DMD: variants seen among roughly 807,000 people sequenced by gnomAD.
The protein encoded by DMD is dystrophin.
DMD carries 63 observed loss-of-function variants against 330.1 expected under a neutral mutation model. That is an observed-to-expected ratio of 0.19 (90% CI 0.16 to 0.24). The LOEUF is 0.24. Ranked by LOEUF, DMD falls within the 10% of genes least tolerant of loss-of-function variation. The pLI is 1.00. For missense variants in DMD, 3,344 were observed against 2,684.1 expected (o/e 1.25, Z -5.43); for synonymous variants, 1,223 against 959.8 (o/e 1.27, Z -5.07).
intron 52 of DMD, among the ~76,000 whole-genome samples, chrX:31,689,830 T>C (rs2082983410): frequency 9.0e-6 from 1 of 111,400 alleles, no homozygotes; most frequent in African/African-American, 3.3e-5. Flanking sequence ...TCTACAACCA[T>C]CTGATCTTTG....
intron 47 of DMD, among the ~76,000 whole-genome samples, chrX:31,892,599 T>C (rs962779222): frequency 8.9e-6 from 1 of 111,989 alleles, no homozygotes; most frequent in African/African-American, 3.3e-5. Flanking sequence ...TACACAAACC[T>C]AGGTGGTACA....
intron 55 of DMD, among the ~76,000 whole-genome samples, chrX:31,543,037 G>A (rs1372687864): frequency 8.9e-6 from 1 of 112,507 alleles, no homozygotes. Context: ...ACGCCTCCGT[G>A]TGCAGTCCTC....
At chrX:32,752,781 C>T (rs779996849) in intron 7 of DMD, among the ~76,000 whole-genome samples, 1 of 109,253 alleles carries the variant, frequency 9.2e-6, no homozygotes, top group African/African-American at 3.3e-5. Flanking sequence ...ACAGGTCTTT[C>T]CCATGCTGTT....
At chrX:32,554,046 G>A (rs1001195038) in intron 16 of DMD, among the ~76,000 whole-genome samples, 1 of 112,283 alleles carries the variant, frequency 8.9e-6, no homozygotes, top group African/African-American at 3.2e-5. Flanking sequence ...AGAGCTTCTG[G>A]GAGGAAGACC....
At chrX:31,883,459 T>C (rs1449345758) in intron 47 of DMD, among the ~76,000 whole-genome samples, 1 of 111,476 alleles carries the variant, frequency 9.0e-6, no homozygotes, top group Non-Finnish European at 1.9e-5. Context: ...TTGTGTACTT[T>C]TCTATGTGTC....
intron 2 of DMD, among the ~76,000 whole-genome samples, chrX:32,953,049 C>A: frequency 9.4e-6 from 1 of 106,087 alleles, no homozygotes; most frequent in East Asian, 3.0e-4. Flanking sequence ...GCAGGAGAAT[C>A]ACTTGAACCC....
chrX:31,660,193 T>C (rs1039685639), intron 53 of DMD, among the ~76,000 whole-genome samples: 1 of 112,344 alleles, frequency 8.9e-6, no homozygotes, highest in Non-Finnish European at 1.9e-5. Context: ...GCACAGAGCA[T>C]AGTTGCTGCT....
intron 7 of DMD, among the ~76,000 whole-genome samples, chrX:32,738,702 G>A (rs2068846700): frequency 8.9e-6 from 1 of 111,802 alleles, no homozygotes; most frequent in Non-Finnish European, 1.9e-5. Flanking sequence ...CCCGTCTGCA[G>A]AACAGAATTG....
chrX:31,576,758 TG>T (rs1470415441), intron 55 of DMD, among the ~76,000 whole-genome samples: 1 of 106,965 alleles, frequency 9.3e-6, no homozygotes, highest in African/African-American at 3.3e-5. Context: ...TATATGAGGT[TG>T]TTTTTTTTTG....
At chrX:32,237,746 C>T (rs1021302655) in intron 43 of DMD, among the ~76,000 whole-genome samples, 1 of 111,589 alleles carries the variant, frequency 9.0e-6, no homozygotes, top group Non-Finnish European at 1.9e-5. Flanking sequence ...ACATGGTGAA[C>T]GCTAAAGCTT....
At chrX:33,331,220 T>G (rs73623948) in intron 1 of DMD, among the ~76,000 whole-genome samples, 20 of 111,755 alleles carry the variant, frequency 1.8e-4, no homozygotes, top group African/African-American at 6.5e-4. Flanking sequence ...AACCAGCCCA[T>G]GAATGGGTCA....
chrX:31,502,617 T>C lies in DMD; in HGVS notation c.8390+4664A>G, dbSNP rs111920805. On this transcript the variant is annotated intron_variant, in intron 56 of 78. Coordinates refer to ENST00000357033, the MANE Select transcript of DMD (RefSeq NM_004006.3). The stretch of plus-strand genomic sequence containing the variant: ...AACATTTTATATAACATTTACAAAT[T>C]TTTCTGCCAAATATAAAAATCTCAC... Among the ~76,000 whole-genome samples the C allele has an allele frequency of 9.9e-3, 1,102 of 111,409 alleles. 9 individuals are homozygous for C. The highest frequency in any genetic ancestry group is 0.041 in the East Asian group (146 of 3,564).
At chrX:31,356,702 A>G (rs1463331731) in intron 60 of DMD, among the ~76,000 whole-genome samples, 1 of 112,230 alleles carries the variant, frequency 8.9e-6, no homozygotes, top group Non-Finnish European at 1.9e-5. Flanking sequence ...TTTCTTGCTT[A>G]TGCAACTGCC....
At chrX:33,051,048 T>A (rs1327387492) in intron 1 of DMD, among the ~76,000 whole-genome samples, 2 of 111,748 alleles carry the variant, frequency 1.8e-5, no homozygotes, top group African/African-American at 6.5e-5. Flanking sequence ...GCTCATGTTT[T>A]CAGAAATCCA....
At chrX:32,709,750 A>C (rs751175554) in intron 7 of DMD, among the ~76,000 whole-genome samples, 4 of 111,838 alleles carry the variant, frequency 3.6e-5, no homozygotes, top group African/African-American at 1.3e-4. Flanking sequence ...CATTTAAAGA[A>C]GCCCAACCCC....
chrX:31,787,872 A>G (rs2091386692), intron 50 of DMD, among the ~76,000 whole-genome samples: 1 of 112,158 alleles, frequency 8.9e-6, no homozygotes, highest in East Asian at 2.8e-4. Context: ...ACCATACAAA[A>G]GAGATCAAAA....
At chrX:32,435,272 TTACATATATA>T (rs1175695127) in intron 29 of DMD, among the ~76,000 whole-genome samples, 2 of 45,957 alleles carry the variant, frequency 4.4e-5, no homozygotes, top group African/African-American at 1.9e-4. Flanking sequence ...TAATATATAC[TTACATATATA>T]TATATATATA....
At chrX:31,167,666 T>C (rs1339704846) in intron 74 of DMD, among the ~76,000 whole-genome samples, 2 of 112,177 alleles carry the variant, frequency 1.8e-5, no homozygotes, top group East Asian at 2.8e-4. Flanking sequence ...TTCTCTACCA[T>C]GGTCTTCACT....
In DMD at chrX:31,313,746, C is replaced by A. The variant is rs752102032; in HGVS notation, c.9224+9852G>T. ...CATGATGATTTTAAGTATCAATTCT[C>A]CCCCCTCCCCTTTATTAGAATGACT... On this transcript the variant is annotated intron_variant, in intron 62 of 78. Coordinates refer to ENST00000357033, the MANE Select transcript of DMD (RefSeq NM_004006.3). Among the ~76,000 whole-genome samples, 506 of 109,877 alleles carry A rather than the reference C, an allele frequency of 4.6e-3. 6 individuals are homozygous for A. The highest frequency in any genetic ancestry group is 6.3e-3 in the Non-Finnish European group (331 of 52,685).
Sources: gnomAD v4.1 joint callset for allele counts (sites outside exome capture counted in the v4.1 genomes callset) on GRCh38, gnomAD v4.1.1 for gene constraint, MANE v1.5 for transcripts, NCBI Gene and HGNC (gene_info 2026-07-23, HGNC 2026-07-21) for gene names.